Variants in ZNF804B observed in about 807,000 individuals in gnomAD.
ZNF804B encodes zinc finger protein 804B, also known as zinc finger 804B.
A neutral mutation model predicts 101.4 loss-of-function variants in ZNF804B; 80 were observed. The ratio of observed to expected loss-of-function variants is 0.79; its 90% CI spans 0.66 to 0.95. The LOEUF (loss-of-function observed/expected upper bound fraction) is 0.95, where lower values mean the gene tolerates loss of function less well. Among genes scored for constraint, ZNF804B ranks in the 40% least tolerant of loss-of-function variants. The probability of loss-of-function intolerance (pLI) is 0.00; values close to 1 mark genes in which losing one functional copy is unlikely to be tolerated. For synonymous variants in ZNF804B, 622 were observed against 558.8 expected, an observed-to-expected ratio of 1.11 and a Z score of -1.59; for missense variants, 1,673 against 1,561.9, an observed-to-expected ratio of 1.07 and a Z score of -1.20.
At chr7:88,794,599 A>C in intron 1 of ZNF804B, 1 of 1,613,684 alleles carries the variant, frequency 6.2e-7, no homozygotes, top group African/African-American at 1.3e-5. Context: ...GACATGGCCA[A>C]TATAATCTAA....
chr7:89,060,408 T>C (rs1789361343), intron 1 of ZNF804B, among the ~76,000 whole-genome samples: 1 of 152,144 alleles, frequency 6.6e-6, no homozygotes, highest in Non-Finnish European at 1.5e-5. Context: ...AGATAAAAGC[T>C]TAAAAGTGAA....
intron 1 of ZNF804B, among the ~76,000 whole-genome samples, chr7:88,934,624 A>G (rs1792939259): frequency 6.6e-6 from 1 of 152,006 alleles, no homozygotes; most frequent in Admixed American, 6.6e-5. Context: ...ACAACCAACA[A>G]ACATAAGAAA....
At chr7:88,934,780 A>G (rs1478587701) in intron 1 of ZNF804B, among the ~76,000 whole-genome samples, 1 of 152,032 alleles carries the variant, frequency 6.6e-6, no homozygotes, top group Admixed American at 6.6e-5. Flanking sequence ...GAACACCTTT[A>G]CATTCCTGGT....
chr7:89,003,179 C>T lies in ZNF804B; in HGVS notation c.109-214976C>T, dbSNP rs186491538. Among the ~76,000 whole-genome samples the T allele has an allele frequency of 3.2e-3, 488 of 151,874 alleles. 9 individuals carry two copies. Among genetic ancestry groups the T allele is most frequent in the African/African-American group, 0.011 (459 of 41,476 alleles). On this transcript the variant is annotated intron_variant, in intron 1 of 3. Transcript: ENST00000333190. ...TTTTCTGAGACTATAATAGTACATG[C>T]GTGATTTTGTGTGATTTATTCAGAG...
chr7:88,894,590 G>A (rs1387055074), intron 1 of ZNF804B, among the ~76,000 whole-genome samples: 1 of 152,028 alleles, frequency 6.6e-6, no homozygotes, highest in East Asian at 1.9e-4. Context: ...ATTTATCAAA[G>A]AATGGAGGCA....
chr7:89,080,916 A>G (rs1168621083), intron 1 of ZNF804B, among the ~76,000 whole-genome samples: 1 of 151,954 alleles, frequency 6.6e-6, no homozygotes, highest in Non-Finnish European at 1.5e-5. Flanking sequence ...CATCTACAGA[A>G]ATCTATCAAC....
chr7:89,008,611 G>A (rs1788406184), intron 1 of ZNF804B, among the ~76,000 whole-genome samples: 1 of 152,036 alleles, frequency 6.6e-6, no homozygotes, highest in Non-Finnish European at 1.5e-5. Context: ...GGCAGACTTG[G>A]TTCTCTCTCA....
At chr7:89,022,877 C>T (rs552127356) in intron 1 of ZNF804B, among the ~76,000 whole-genome samples, 1 of 152,174 alleles carries the variant, frequency 6.6e-6, no homozygotes, top group East Asian at 1.9e-4. Context: ...TTTAAGGACT[C>T]CATCTTAACC....
chr7:89,204,268 C>A (rs1331575791), intron 1 of ZNF804B, among the ~76,000 whole-genome samples: 1 of 152,104 alleles, frequency 6.6e-6, no homozygotes, highest in Admixed American at 6.5e-5. Context: ...CTGTCTAATG[C>A]ACAATAGATA....
rs1788926266 is a variant in ZNF804B, at chr7:89,218,191, G to C, written c.145G>C (p.Glu49Gln). ...AAAGAAGTCCACAGCAAAGGCCCTG[G>C]AAGATGTAAAGGCAAACTTTTACTG... Reference protein sequence around the residue: ...AEKKSTAKALEDVKANFYCEL... With the variant: ...AEKKSTAKALQDVKANFYCEL... The change falls in exon 2 of 4, where the codon GAA becomes CAA. Residue 49 changes from glutamate to glutamine, a missense_variant. Glu to Gln is a conservative substitution (Grantham distance 29, BLOSUM62 2). Transcript: ENST00000333190. 1.2e-6 allele frequency: 2 copies of C among 1,613,640 alleles called. No homozygotes were observed. The highest frequency in any genetic ancestry group is 2.7e-5 in the African/African-American group (2 of 74,880).
chr7:89,006,899 C>A (rs923259706), intron 1 of ZNF804B, among the ~76,000 whole-genome samples: 1 of 152,130 alleles, frequency 6.6e-6, no homozygotes, highest in African/African-American at 2.4e-5. Flanking sequence ...TCTTTGTGGA[C>A]TGACAGAAGG....
At chr7:88,968,005 G>A (rs983417783) in intron 1 of ZNF804B, among the ~76,000 whole-genome samples, 6 of 151,390 alleles carry the variant, frequency 4.0e-5, no homozygotes, top group Non-Finnish European at 7.4e-5. Context: ...GGGAATACAG[G>A]ACACTTTTTT....
chr7:89,124,333 A>G (rs1043622969), intron 1 of ZNF804B, among the ~76,000 whole-genome samples: 40 of 152,188 alleles, frequency 2.6e-4, no homozygotes, highest in African/African-American at 9.4e-4. Flanking sequence ...CCTACGCAGA[A>G]GAGCTAATCA....
chr7:89,152,637 A>G (rs1790896847), intron 1 of ZNF804B, among the ~76,000 whole-genome samples: 4 of 152,122 alleles, frequency 2.6e-5, no homozygotes, highest in Admixed American at 2.6e-4. Context: ...AATTTATGTC[A>G]TAATCATACA....
intron 2 of ZNF804B, among the ~76,000 whole-genome samples, chr7:89,270,762 T>C (rs1249770672): frequency 6.6e-6 from 1 of 152,200 alleles, no homozygotes; most frequent in Non-Finnish European, 1.5e-5. Flanking sequence ...TTTGTAGTTC[T>C]TCTTGAAGAG....
intron 1 of ZNF804B, among the ~76,000 whole-genome samples, chr7:88,835,926 A>C (rs776161283): frequency 6.6e-6 from 1 of 151,944 alleles, no homozygotes; most frequent in East Asian, 1.9e-4. Context: ...TAGCTAGTCT[A>C]TGGGAAAGAG....
In ZNF804B at chr7:88,802,502, A is replaced by G. The variant is rs527335487; in HGVS notation, c.108+42418A>G. ...GTAAAGTTTCCCCCTATCTCAGGGA[A>G]AAGAAAAAAAACTACTCTGGAATGT... On this transcript the variant is annotated intron_variant, in intron 1 of 3. Transcript: ENST00000333190. Among the ~76,000 whole-genome samples, 21 of 152,226 alleles carry G rather than the reference A, an allele frequency of 1.4e-4. No individual in the cohort carries two copies. The South Asian group carries it at 4.1e-3, about 30-fold the overall frequency.
chr7:88,868,948 A>G (rs1272915386), intron 1 of ZNF804B, among the ~76,000 whole-genome samples: 1 of 152,202 alleles, frequency 6.6e-6, no homozygotes, highest in African/African-American at 2.4e-5. Context: ...TTTTTAGTGG[A>G]GTGAGAAGAA....
chr7:89,189,543 G>C (rs1788425051), intron 1 of ZNF804B, among the ~76,000 whole-genome samples: 1 of 152,102 alleles, frequency 6.6e-6, no homozygotes, highest in Non-Finnish European at 1.5e-5. Flanking sequence ...TATTTTTTAG[G>C]AATCCTCATC....
Sources: gnomAD v4.1 joint callset for allele counts (sites outside exome capture counted in the v4.1 genomes callset) on GRCh38, gnomAD v4.1.1 for gene constraint, MANE v1.5 for transcripts, NCBI Gene and HGNC (gene_info 2026-07-23, HGNC 2026-07-21) for gene names.